The following PAF1 variants were observed in gnomAD, a reference collection of about 807,000 sequenced individuals.
The protein encoded by PAF1 is PAF1 component of Paf1/RNA polymerase II complex.
Under a neutral mutation model 68.4 loss-of-function variants are expected in PAF1, and 31 were observed. The ratio of observed to expected loss-of-function variants is 0.45; its 90% CI spans 0.34 to 0.61. The LOEUF is 0.61. Among genes scored for constraint, PAF1 ranks in the 20% least tolerant of loss-of-function variants. PAF1 has a pLI of 0.01. For missense variants in PAF1, 435 were observed against 692.9 expected (o/e 0.63, Z 4.18); for synonymous variants, 256 against 240.5 (o/e 1.06, Z -0.60).
intron 1 of PAF1, 126 bp downstream of exon 1, chr19:39,390,692 C>T: frequency 9.8e-7 from 1 of 1,018,108 alleles, no homozygotes; most frequent in African/African-American, 1.6e-5. Flanking sequence ...CAGAAGGAAC[C>T]CGCCCCCTTC....
chr19:39,386,856 C>G lies in PAF1; in HGVS notation c.987-57G>C. On this transcript the variant is annotated intron_variant, in intron 11 of 13. Transcript: ENST00000221265. The surrounding 1 kb of genome is among the most constrained non-coding windows in gnomAD (Gnocchi z 6.1). ...GAAGATGCAGTTAAAGACACACCTC[C>G]CACTTCCCCGCCCCCCAGTGAGGGG... 8.5e-7 allele frequency: 1 copy of G among 1,175,346 alleles called. No individual in the cohort carries two copies. The highest frequency in any genetic ancestry group is 1.3e-6 in the Non-Finnish European group (1 of 781,668). The allele number at this position is 1,175,346 out of a possible 1,614,324, so 72.8% of individuals were successfully genotyped here.
chr19:39,390,387 CAA>C, intron 1 of PAF1, 98 bp from the exon 2 acceptor site: 3 of 1,142,902 alleles, frequency 2.6e-6, no homozygotes, highest in Non-Finnish European at 3.9e-6. Flanking sequence ...GGAGGGGTGA[CAA>C]ATGCTGGTTT....
At chr19:39,390,668 G>A in intron 1 of PAF1, 150 bp downstream of exon 1, 3 of 803,928 alleles carry the variant, frequency 3.7e-6, no homozygotes, top group Non-Finnish European at 6.1e-6. Context: ...GGGAGGAGGG[G>A]AACACCTGAA....
In PAF1 at chr19:39,388,307, C is replaced by T. The variant is rs556959282; in HGVS notation, c.986+32G>A. On this transcript the variant is annotated intron_variant, in intron 11 of 13. Coordinates refer to ENST00000221265, the MANE Select transcript of PAF1 (RefSeq NM_019088.4). The stretch of plus-strand genomic sequence containing the variant: ...CCCCAGGGTCTTAAGAAGCACAGAT[C>T]CAGGCTAATCAGATAGGAGTGTGCT... 3.1e-6 allele frequency: 5 copies of T among 1,613,054 alleles called. No individual in the cohort carries two copies. The East Asian group carries it at 8.9e-5, about 29-fold the overall frequency.
At chr19:39,387,257 AT>A (rs935211283) in intron 11 of PAF1, 72 of 383,866 alleles carry the variant, frequency 1.9e-4, no homozygotes, top group African/African-American at 1.3e-3. Flanking sequence ...AATAGTAAGT[AT>A]TTGTGTATCT....
In PAF1 at chr19:39,386,050, C is replaced by G; in HGVS notation, c.1537G>C (p.Glu513Gln). The change falls in exon 14 of 14, where the codon GAG becomes CAG. Residue 513 changes from glutamate to glutamine, a missense_variant. Physicochemically the swap from Glu to Gln is conservative, Grantham distance 29. This residue lies in a region of PAF1 where 83 missense variants were observed against 99.9 expected (regional missense o/e 0.83). Coordinates refer to ENST00000221265, the MANE Select transcript of PAF1 (RefSeq NM_019088.4). The surrounding 1 kb of genome is among the most constrained non-coding windows in gnomAD (Gnocchi z 6.1). ...FPSGSEHSAQ[E>Q]DGSEAAASDS... ...GAAGCTGCAGCTTCACTGCCATCCT[C>G]CTGGGCCGAGTGCTCGCTGCCACTG... The G allele has an allele frequency of 6.2e-6, 10 of 1,614,012 alleles. No individual in the cohort carries two copies. Among genetic ancestry groups the G allele is most frequent in the Non-Finnish European group, 8.5e-6 (10 of 1,180,032 alleles).
Position 39,386,460 on chromosome 19 carries a change from A to T in PAF1, c.1183+22T>A. On this transcript the variant is annotated intron_variant, in intron 13 of 13. Coordinates refer to ENST00000221265, the MANE Select transcript of PAF1 (RefSeq NM_019088.4). The surrounding 1 kb of genome is among the most constrained non-coding windows in gnomAD (Gnocchi z 6.1). ...TTTTCCACCCTCCCAGGGCTCCCAG[A>T]GTCTGGCCTGTCCAGATTTACCTGA... 6.2e-7 allele frequency: 1 copy of T among 1,614,048 alleles called. No individual in the cohort carries two copies. The highest frequency in any genetic ancestry group is 8.5e-7 in the Non-Finnish European group (1 of 1,179,984).
chr19:39,388,685 G>C lies in PAF1; in HGVS notation c.741-9C>G. The C allele has an allele frequency of 1.2e-6, 2 of 1,613,388 alleles. No individual in the cohort carries two copies. Among genetic ancestry groups the C allele is most frequent in the Non-Finnish European group, 1.7e-6 (2 of 1,179,308 alleles). On this transcript the variant is annotated splice_polypyrimidine_tract_variant and intron_variant, in intron 9 of 13. Coordinates refer to ENST00000221265, the MANE Select transcript of PAF1 (RefSeq NM_019088.4). ...CCTCATCCATCATGCCCCTGGTTGG[G>C]GGAAAAGGAGTAGCAATGAAGTGTG...
In PAF1 at chr19:39,385,794, G is replaced by T. The variant is rs1273860839; in HGVS notation, c.*197C>A. The T allele has an allele frequency of 1.3e-5, 10 of 744,348 alleles. No individual in the cohort carries two copies. Among genetic ancestry groups the T allele is most frequent in the African/African-American group, 1.8e-5 (1 of 56,518 alleles). The allele number at this position is 744,348 out of a possible 1,614,324, so 46.1% of individuals were successfully genotyped here. ...CTCAAGCCAAGATCCTTGAGCACCT[G>T]GGGGTTGCGGGAGGTATGTGCTGGG... On this transcript the variant is annotated 3_prime_UTR_variant, in exon 14 of 14. Transcript: ENST00000221265.
chr19:39,390,374 G>C (rs2145941660), intron 1 of PAF1, 85 bp from the exon 2 acceptor site: 1 of 1,293,264 alleles, frequency 7.7e-7, no homozygotes, highest in East Asian at 2.5e-5. Flanking sequence ...CTTTCAAAAG[G>C]TAGGAGGGGT....
At chr19:39,388,300 C>T (rs755031821) in intron 11 of PAF1, 39 bp downstream of exon 11, 2 of 1,611,840 alleles carry the variant, frequency 1.2e-6, no homozygotes, top group South Asian at 2.2e-5. Context: ...TCTTAAGAAG[C>T]ACAGATCCAG....
Position 39,386,161 on chromosome 19 carries a change from C to T in PAF1, c.1426G>A (p.Gly476Ser). The change falls in exon 14 of 14, where the codon GGT becomes AGT. Residue 476 changes from glycine to serine, a missense_variant. Gly to Ser is a moderately conservative substitution (Grantham distance 56). Transcript: ENST00000221265. The surrounding 1 kb of genome is among the most constrained non-coding windows in gnomAD (Gnocchi z 6.1). ...CTGTCTGAATCATTGTCACTGCCAC[C>T]TTGGGCCTGTCCTCTGTCCTCATCA... is the stretch of plus-strand genomic sequence containing the variant. ...SDDEDRGQAQGGSDNDSDSGS... is the reference protein window; with the variant it reads ...SDDEDRGQAQSGSDNDSDSGS... 2 of 1,614,182 alleles carry T rather than the reference C, an allele frequency of 1.2e-6. No individual in the cohort carries two copies. The highest frequency in any genetic ancestry group is 1.3e-5 in the African/African-American group (1 of 75,046).
chr19:39,387,283 T>C (rs1568373127), intron 11 of PAF1: 2 of 335,160 alleles, frequency 6.0e-6, no homozygotes, highest in South Asian at 5.0e-5. Flanking sequence ...ATAGAAAAGG[T>C]ATAGTAAAGA....
rs1263409735 is a variant in PAF1 at position 39,388,438 on chromosome 19, T to C, written c.887A>G (p.Asn296Ser). 1 of 1,614,044 alleles carries C rather than the reference T, an allele frequency of 6.2e-7. No homozygotes were observed. Among genetic ancestry groups the C allele is most frequent in the Non-Finnish European group, 8.5e-7 (1 of 1,180,014 alleles). ...GCTAGCTTTGTTCTTCACGTTCCAGTTGTACTCCCGAGCAATTTTGTAGTC... is the reference window on the plus strand; with the variant it reads ...GCTAGCTTTGTTCTTCACGTTCCAGCTGTACTCCCGAGCAATTTTGTAGTC... ...VYDYKIAREY[N>S]WNVKNKASKG... The change falls in exon 11 of 14, where the codon AAC becomes AGC. Residue 296 changes from asparagine (N) to serine (S), a missense_variant. Asn to Ser is a conservative substitution (Grantham distance 46). This residue lies in a region of PAF1 where 151 missense variants were observed against 306.3 expected (regional missense o/e 0.49). Transcript: ENST00000221265.
rs1409165018 is a variant in PAF1 at position 39,389,852 on chromosome 19, A to G, written c.171-91T>C. ...AGAGGCGGAGCTTCTCTGGGGAGGA[A>G]CTCAGAATGAAGTGTCCCCCATGGC... is the stretch of plus-strand genomic sequence containing the variant. On this transcript the variant is annotated intron_variant, in intron 3 of 13. Transcript: ENST00000221265. This position sits in a 1 kb window ranked among gnomAD's most constrained non-coding sequence, Gnocchi z 5.3. The G allele has an allele frequency of 1.2e-5, 18 of 1,545,862 alleles. No homozygotes were observed. The highest frequency in any genetic ancestry group is 1.1e-5 in the Non-Finnish European group (12 of 1,121,362).
In PAF1 at chr19:39,389,879, G is replaced by T; in HGVS notation, c.171-118C>A. 1 of 1,410,400 alleles carries T rather than the reference G, an allele frequency of 7.1e-7. No individual in the cohort carries two copies. Among genetic ancestry groups the T allele is most frequent in the Non-Finnish European group, 1.0e-6 (1 of 1,002,860 alleles). 87.4% of individuals were successfully genotyped at this position (1,410,400 alleles called of 1,614,324 possible). ...TCAGAATGAAGTGTCCCCCATGGCA[G>T]AGTCTGAAAGCTGGCTCCCCAGTGG... On this transcript the variant is annotated intron_variant, in intron 3 of 13. Transcript: ENST00000221265. The surrounding 1 kb of genome is among the most constrained non-coding windows in gnomAD (Gnocchi z 5.3).
intron 3 of PAF1, 31 bp downstream of exon 3, chr19:39,390,038 C>A (rs765314769): frequency 1.3e-6 from 2 of 1,541,058 alleles, no homozygotes; most frequent in Non-Finnish European, 1.8e-6. Context: ...GGAACTCATA[C>A]CTGAGTAGTT....
At chr19:39,390,041 G>A in intron 3 of PAF1, 28 bp downstream of exon 3, 2 of 1,560,802 alleles carry the variant, frequency 1.3e-6, no homozygotes, top group Non-Finnish European at 1.8e-6. Context: ...ACTCATACCT[G>A]AGTAGTTTTC....
In PAF1 at chr19:39,388,615, A is replaced by G. The variant is rs114633094; in HGVS notation, c.802T>C (p.Leu268=). The G allele has an allele frequency of 8.6e-5, 138 of 1,614,036 alleles. No homozygotes were observed. The African/African-American group carries it at 1.3e-3, about 15-fold the overall frequency. ...VAYFLPVEET[L]KKRKRDQEEE... ...TCCTGGTCCCGCTTTCGTTTCTTCA[A>G]CGTCTCTTCTACAGGCAGGAAATAG... Residue 268 remains leucine (L), a synonymous_variant, in exon 10 of 14, where the codon TTG becomes CTG. Transcript: ENST00000221265.
Sources: allele counts gnomAD v4.1 joint callset, GRCh38; gene constraint gnomAD v4.1.1; regional missense constraint gnomAD v4.1.1; non-coding constraint Gnocchi (gnomAD v3.1); transcripts MANE v1.5; gene names NCBI Gene and HGNC (gene_info 2026-07-23, HGNC 2026-07-21).